The following ITK variants were observed in gnomAD, a reference collection of about 807,000 sequenced individuals.
ITK encodes the protein tyrosine-protein kinase ITK/TSK.
Under a neutral mutation model 87.6 loss-of-function variants are expected in ITK, and 45 were observed. The observed-to-expected ratio is 0.51, with a 90% CI of 0.40 to 0.66. ITK has a LOEUF of 0.66. ITK is among the 30% of genes least tolerant of loss of function. The probability of loss-of-function intolerance (pLI) is 0.00; values close to 1 mark genes in which losing one functional copy is unlikely to be tolerated. For synonymous variants in ITK, 303 were observed against 273.6 expected (o/e 1.11, Z -1.06); for missense variants, 605 against 766.3 (o/e 0.79, Z 2.48).
In ITK at chr5:157,181,064, C is replaced by A. The variant is rs146496148; in HGVS notation, c.87C>A (p.Arg29=). 5 of 1,613,948 alleles carry A rather than the reference C, an allele frequency of 3.1e-6. No individual in the cohort carries two copies. The highest frequency in any genetic ancestry group is 3.3e-4 in the Middle Eastern group (2 of 6,082). The change falls in exon 1 of 17, where the codon CGC becomes CGA. Residue 29 remains arginine, a synonymous_variant. Coordinates refer to ENST00000422843, the MANE Select transcript of ITK (RefSeq NM_005546.4). The part of the protein sequence containing the change: ...RRTSPSNFKV[R]FFVLTKASLA... ...CTTCTCCCTCGAACTTTAAAGTCCG[C>A]TTCTTTGTGTTAACCAAAGCCAGCC...
chr5:157,187,231 G>T (rs1435353478), intron 1 of ITK, among the ~76,000 whole-genome samples: 2 of 152,202 alleles, frequency 1.3e-5, no homozygotes, highest in Non-Finnish European at 2.9e-5. Context: ...TTAATGTGAT[G>T]ATGTATTAAT....
At chr5:157,239,059 G>A (rs146226093) in intron 9 of ITK, among the ~76,000 whole-genome samples, 11 of 152,278 alleles carry the variant, frequency 7.2e-5, no homozygotes, top group Non-Finnish European at 1.5e-4. Flanking sequence ...TCACAGAGGG[G>A]CCGTGCCTCT....
intron 2 of ITK, 67 bp downstream of exon 2, chr5:157,209,060 G>T (rs746714537): frequency 9.2e-6 from 10 of 1,083,236 alleles, no homozygotes; most frequent in South Asian, 3.8e-5. Flanking sequence ...TCACAGCCGG[G>T]TGCAGTGGTT....
At chr5:157,231,628 C>T (rs1754656016) in intron 7 of ITK, among the ~76,000 whole-genome samples, 1 of 152,144 alleles carries the variant, frequency 6.6e-6, no homozygotes, top group African/African-American at 2.4e-5. Context: ...TGATTATTAA[C>T]CGATGATCAG....
At chr5:157,244,944 A>G (rs1754991974) in intron 13 of ITK, 1 of 221,784 alleles carries the variant, frequency 4.5e-6, no homozygotes, top group Non-Finnish European at 9.2e-6. Flanking sequence ...TGAGATATGC[A>G]GCTGGGTGCG....
chr5:157,246,731 C>T (rs906925247), intron 15 of ITK, among the ~76,000 whole-genome samples: 4 of 152,114 alleles, frequency 2.6e-5, no homozygotes, highest in African/African-American at 9.7e-5. Context: ...TAGGAGGGAG[C>T]TGTCACCATT....
At chr5:157,185,413 A>ATT (rs565657667) in intron 1 of ITK, among the ~76,000 whole-genome samples, 3 of 149,772 alleles carry the variant, frequency 2.0e-5, no homozygotes, top group Admixed American at 1.3e-4. Context: ...TAATTTTTGT[A>ATT]TTTTTTTTTA....
intron 1 of ITK, among the ~76,000 whole-genome samples, chr5:157,194,093 A>T (rs1478409918): frequency 1.3e-5 from 2 of 152,184 alleles, no homozygotes; most frequent in Admixed American, 6.5e-5. Context: ...GGACATAAGG[A>T]TTCCCTATAC....
intron 8 of ITK, among the ~76,000 whole-genome samples, chr5:157,233,109 G>A (rs1262458256): frequency 2.0e-5 from 3 of 152,180 alleles, no homozygotes; most frequent in Non-Finnish European, 2.9e-5. Flanking sequence ...CTGGGCTCTA[G>A]TTCCTGTTAT....
At chr5:157,229,589 A>G (rs932468660) in intron 7 of ITK, among the ~76,000 whole-genome samples, 1 of 152,238 alleles carries the variant, frequency 6.6e-6, no homozygotes, top group African/African-American at 2.4e-5. Context: ...CAGGAAAGAC[A>G]CAACAGGCTG....
At chr5:157,186,792 A>T (rs1005275642) in intron 1 of ITK, among the ~76,000 whole-genome samples, 6 of 152,102 alleles carry the variant, frequency 3.9e-5, no homozygotes, top group Admixed American at 6.5e-5. Flanking sequence ...GACTGTCAGC[A>T]TATCTATCAC....
intron 1 of ITK, among the ~76,000 whole-genome samples, chr5:157,191,756 G>A (rs1753757716): frequency 6.6e-6 from 1 of 152,054 alleles, no homozygotes; most frequent in Admixed American, 6.6e-5. Flanking sequence ...TATACGTGGA[G>A]GAATAGGTGA....
At chr5:157,223,075 C>G in intron 6 of ITK, 61 bp downstream of exon 6, 1 of 1,582,802 alleles carries the variant, frequency 6.3e-7, no homozygotes, top group Non-Finnish European at 8.7e-7. Flanking sequence ...AAATAAAATA[C>G]CAGGATGATT....
chr5:157,220,217 G>A (rs1754386905), intron 5 of ITK, among the ~76,000 whole-genome samples: 1 of 152,150 alleles, frequency 6.6e-6, no homozygotes, highest in South Asian at 2.1e-4. Context: ...TGGGGGTTGG[G>A]GGATGGCTAT....
intron 15 of ITK, 130 bp from the exon 16 acceptor site, chr5:157,248,720 G>A: frequency 9.7e-7 from 1 of 1,030,476 alleles, no homozygotes. Context: ...GCCTCAGGTA[G>A]ACTTGATGCA....
intron 10 of ITK, 24 bp from the exon 11 acceptor site, chr5:157,241,622 T>C (rs1754908974): frequency 6.3e-7 from 1 of 1,591,180 alleles, no homozygotes; most frequent in Admixed American, 1.7e-5. Flanking sequence ...TAACCACTGC[T>C]TCTTGGCTTT....
chr5:157,195,288 T>G (rs2113742590), intron 1 of ITK: 1 of 152,350 alleles, frequency 6.6e-6, no homozygotes, highest in South Asian at 2.1e-4. Flanking sequence ...GCTTTCCAAC[T>G]GTGTTTCAGA....
intron 9 of ITK, among the ~76,000 whole-genome samples, chr5:157,239,097 G>C (rs954805403): frequency 6.6e-6 from 1 of 152,082 alleles, no homozygotes; most frequent in Admixed American, 6.5e-5. Flanking sequence ...GTAAGGAGGT[G>C]ACCTGCAACC....
rs563208638 is a variant in ITK, at chr5:157,226,811, T to G, written c.648-1485T>G. On this transcript the variant is annotated intron_variant, in intron 6 of 16. Coordinates refer to ENST00000422843, the MANE Select transcript of ITK (RefSeq NM_005546.4). ...TTTTTTGTTTTGTTTTGTTTTTTTGTTTTTTTGAGACAGAGTCTTGCTCTG... is the reference window on the plus strand; with the variant it reads ...TTTTTTGTTTTGTTTTGTTTTTTTGGTTTTTTGAGACAGAGTCTTGCTCTG... 5.4e-5 allele frequency among the ~76,000 whole-genome samples: 8 copies of G among 147,586 alleles called. No homozygotes were observed. The South Asian group carries it at 1.7e-3, about 31-fold the overall frequency.
Sources: gnomAD v4.1 joint callset for allele counts (sites outside exome capture counted in the v4.1 genomes callset) on GRCh38, gnomAD v4.1.1 for gene constraint, MANE v1.5 for transcripts, NCBI Gene and HGNC (gene_info 2026-07-23, HGNC 2026-07-21) for gene names.